Variants in HDHD2 observed in about 807,000 individuals in gnomAD.
HDHD2 encodes the protein haloacid dehalogenase-like hydrolase domain-containing protein 2.
HDHD2 carries 26 observed loss-of-function variants against 24.8 expected under a neutral mutation model. The ratio of observed to expected loss-of-function variants is 1.05; its 90% confidence interval spans 0.77 to 1.45. HDHD2 has a LOEUF of 1.45. HDHD2 is among the 40% of genes most tolerant of loss of function. The probability of loss-of-function intolerance (pLI) is 0.00; values close to 1 mark genes in which losing one functional copy is unlikely to be tolerated. For missense variants in HDHD2, 299 were observed against 313.4 expected (o/e 0.95, Z 0.35); for synonymous variants, 128 against 114.9 (o/e 1.11, Z -0.73).
At chr18:47,135,985 C>G (rs1423290888) in intron 2 of HDHD2, among the ~76,000 whole-genome samples, 1 of 152,158 alleles carries the variant, frequency 6.6e-6, no homozygotes, top group African/African-American at 2.4e-5. Context: ...TTATGCCTGT[C>G]TGTGTGTGTT....
chr18:47,146,620 A>G (rs966988979), intron 1 of HDHD2, among the ~76,000 whole-genome samples: 3 of 152,246 alleles, frequency 2.0e-5, no homozygotes, highest in Admixed American at 6.5e-5. Flanking sequence ...GAATGGATAA[A>G]TAAGTTGTGG....
intron 2 of HDHD2, 69 bp from the exon 3 acceptor site, chr18:47,134,773 TG>T: frequency 7.9e-7 from 1 of 1,267,856 alleles, no homozygotes; most frequent in Non-Finnish European, 1.1e-6. Context: ...TCTCCTAATT[TG>T]TTAAAACTGT....
intron 1 of HDHD2, among the ~76,000 whole-genome samples, chr18:47,138,953 C>A (rs1472307458): frequency 3.3e-5 from 5 of 152,158 alleles, no homozygotes; most frequent in Admixed American, 2.6e-4. Context: ...TTCAATCATA[C>A]CTATCCAATG....
intron 1 of HDHD2, among the ~76,000 whole-genome samples, chr18:47,144,507 C>G (rs1380061149): frequency 6.6e-6 from 1 of 152,092 alleles, no homozygotes; most frequent in Admixed American, 6.5e-5. Flanking sequence ...ATTCACATTA[C>G]CTAAGATAAG....
At chr18:47,112,835 C>A (rs2063526201) in intron 6 of HDHD2, 142 bp downstream of exon 6, 1 of 674,072 alleles carries the variant, frequency 1.5e-6, no homozygotes, top group Non-Finnish European at 2.6e-6. Context: ...TTCCTATAAT[C>A]CTAAGCTGTT....
chr18:47,111,379 AAAAGAAAG>A (rs556650518), intron 6 of HDHD2: 3 of 974,232 alleles, frequency 3.1e-6, no homozygotes, highest in Non-Finnish European at 3.7e-6. Flanking sequence ...AAAAAAAAAA[AAAAGAAAG>A]AAAGAAAGAA....
chr18:47,114,069 G>A (rs2063537724), intron 5 of HDHD2, among the ~76,000 whole-genome samples: 1 of 152,140 alleles, frequency 6.6e-6, no homozygotes, highest in African/African-American at 2.4e-5. Context: ...AATTCTGAAG[G>A]CTCCAGCTCA....
chr18:47,144,103 G>A (rs72907248), intron 1 of HDHD2, among the ~76,000 whole-genome samples: 4,001 of 152,044 alleles, frequency 0.026, 61 homozygotes, highest in Non-Finnish European at 0.041. Flanking sequence ...GCGCATGTGT[G>A]TAAGCCACAA....
Position 47,130,337 on chromosome 18 carries a change from G to T in HDHD2, c.311-9C>A. 1 of 1,542,646 alleles carries T rather than the reference G, an allele frequency of 6.5e-7. No individual in the cohort carries two copies. Among genetic ancestry groups the T allele is most frequent in the Non-Finnish European group, 8.8e-7 (1 of 1,137,588 alleles). The stretch of plus-strand genomic sequence containing the variant: ...ATCACTTGTTTGTATTCCTGGGAAC[G>T]GAAAAAAAAAATGATTGTTGCAAAT... On this transcript the variant is annotated splice_polypyrimidine_tract_variant and intron_variant, in intron 3 of 6. Transcript: ENST00000300605.
intron 1 of HDHD2, chr18:47,149,028 G>T (rs1039329780): frequency 6.6e-6 from 1 of 152,202 alleles, no homozygotes; most frequent in African/African-American, 2.4e-5. Flanking sequence ...TGGTTGATAA[G>T]AGGATTAAAG....
At chr18:47,145,074 A>G (rs2063856176) in intron 1 of HDHD2, among the ~76,000 whole-genome samples, 1 of 152,240 alleles carries the variant, frequency 6.6e-6, no homozygotes, top group South Asian at 2.1e-4. Flanking sequence ...AGAAGGCCCA[A>G]CGAATTCTAA....
rs770213394 is a variant in HDHD2 at position 47,134,643 on chromosome 18, C to T, written c.163G>A (p.Asp55Asn). 1 of 1,614,144 alleles carries T rather than the reference C, an allele frequency of 6.2e-7. No individual in the cohort carries two copies. ...VTNTTKESKQ[D>N]LLERLRKLEF... ...AATTTTCTCAACCTTTCTAACAGGT[C>T]TTGCTTGCTCTCTTTGGTTGTATTG... is the stretch of plus-strand genomic sequence containing the variant. Residue 55 changes from aspartate (D) to asparagine (N), a missense_variant, in exon 3 of 7, where the codon GAC (aspartate) becomes AAC (asparagine). Asp to Asn is a conservative substitution (Grantham distance 23). Transcript: ENST00000300605.
chr18:47,128,762 C>T (rs1037151386), intron 4 of HDHD2, among the ~76,000 whole-genome samples: 3 of 152,176 alleles, frequency 2.0e-5, no homozygotes, highest in East Asian at 1.9e-4. Flanking sequence ...TGTGCACACA[C>T]GGTAAACGGT....
chr18:47,144,577 A>G (rs963571351), intron 1 of HDHD2, among the ~76,000 whole-genome samples: 7 of 152,152 alleles, frequency 4.6e-5, no homozygotes, highest in Non-Finnish European at 1.0e-4. Flanking sequence ...GCCTGGCTAC[A>G]GCAAATATAA....
intron 4 of HDHD2, among the ~76,000 whole-genome samples, chr18:47,126,729 T>C (rs563839114): frequency 3.9e-5 from 6 of 152,158 alleles, no homozygotes; most frequent in Non-Finnish European, 7.4e-5. Context: ...AAACGTTTCC[T>C]AGGCTAAGTA....
At chr18:47,137,410 T>C (rs1363190735) in intron 1 of HDHD2, 2 of 275,604 alleles carry the variant, frequency 7.3e-6, no homozygotes, top group Non-Finnish European at 1.4e-5. Flanking sequence ...TGACTAGTTT[T>C]CTCTATTCTT....
At chr18:47,108,863 C>T (rs1270417710) in intron 6 of HDHD2, 78 bp from the exon 7 acceptor site, 1 of 783,646 alleles carries the variant, frequency 1.3e-6, no homozygotes, top group Non-Finnish European at 2.2e-6. Flanking sequence ...GCACCTGGGT[C>T]ATCACAGCAC....
Position 47,115,165 on chromosome 18 carries a change from G to T in HDHD2, c.579C>A (p.Gly193=), listed in dbSNP as rs200301842. ...TCATGACAGCCTCCTCAGGTTCACAGCCAGTGCCCCGCAATGCTTCCAAAA... is the reference window on the plus strand; with the variant it reads ...TCATGACAGCCTCCTCAGGTTCACATCCAGTGCCCCGCAATGCTTCCAAAA... ...TFFLEALRGT[G]CEPEEAVMIG... is the part of the protein sequence containing the mutation. The change falls in exon 5 of 7, where the codon GGC becomes GGA. Residue 193 remains glycine, a synonymous_variant. Transcript: ENST00000300605. The T allele has an allele frequency of 3.8e-5, 62 of 1,613,786 alleles. 1 individual carries two copies. In the East Asian group the frequency reaches 1.2e-3, roughly 33 times the overall value.
chr18:47,119,089 T>C (rs1419051155), intron 4 of HDHD2, among the ~76,000 whole-genome samples: 1 of 152,220 alleles, frequency 6.6e-6, no homozygotes, highest in Non-Finnish European at 1.5e-5. Flanking sequence ...CTAACAATCA[T>C]CTGAGCCTTC....
Sources: allele counts gnomAD v4.1 joint callset (sites outside exome capture counted in the v4.1 genomes callset), GRCh38; gene constraint gnomAD v4.1.1; transcripts MANE v1.5; gene names NCBI Gene and HGNC (gene_info 2026-07-23, HGNC 2026-07-21).